Variants in TEF observed in about 807,000 individuals in gnomAD.
TEF encodes thyrotroph embryonic factor.
Under a neutral mutation model 20.8 loss-of-function variants are expected in TEF, and 3 were observed. The ratio of observed to expected loss-of-function variants is 0.14; its 90% CI spans 0.07 to 0.37. TEF has a LOEUF of 0.37. Ranked by LOEUF, TEF falls within the 10% of genes least tolerant of loss-of-function variation. The pLI is 1.00. For synonymous variants in TEF, 180 were observed against 171.1 expected, an observed-to-expected ratio of 1.05 and a Z score of -0.41; for missense variants, 296 against 397.9, an observed-to-expected ratio of 0.74 and a Z score of 2.18.
intron 1 of TEF, among the ~76,000 whole-genome samples, chr22:41,383,200 C>T (rs1415009174): frequency 1.3e-5 from 2 of 152,112 alleles, no homozygotes; most frequent in Non-Finnish European, 2.9e-5. Flanking sequence ...TGCCATTTCT[C>T]TTCCTTTCCT....
rs773925671 is a variant in TEF at position 41,382,157 on chromosome 22, T to C, written c.113T>C (p.Val38Ala). 708 of 1,237,908 alleles carry C rather than the reference T, an allele frequency of 5.7e-4. 1 individual carries two copies. Among genetic ancestry groups the C allele is most frequent in the Non-Finnish European group, 6.4e-4 (634 of 992,284 alleles). 76.7% of individuals were successfully genotyped at this position (1,237,908 alleles called of 1,614,324 possible). Residue 38 changes from valine to alanine, a missense_variant, in exon 1 of 4, where the codon GTC (valine) becomes GCC (alanine). Transcript: ENST00000266304. ...GGCCTGTCGGGGTCCTTCCCCCTGG[T>C]CCTGAAGAAGCTGATGGAGAACCCC... is the stretch of plus-strand genomic sequence containing the variant. ...ERGLSGSFPL[V>A]LKKLMENPPR...
intron 2 of TEF, among the ~76,000 whole-genome samples, chr22:41,390,006 T>C (rs1033825817): frequency 6.6e-6 from 1 of 151,902 alleles, no homozygotes; most frequent in Non-Finnish European, 1.5e-5. Flanking sequence ...TTTAAGCGAT[T>C]CTCCTGCCTC....
At chr22:41,374,039 G>A (rs188056140) in intron 1 of TEF, among the ~76,000 whole-genome samples, 4 of 152,204 alleles carry the variant, frequency 2.6e-5, no homozygotes, top group Admixed American at 1.3e-4. Context: ...TGGGATTGCA[G>A]GCATGAGCCA....
intron 1 of TEF, among the ~76,000 whole-genome samples, chr22:41,370,576 C>T (rs2036872504): frequency 6.6e-6 from 1 of 151,964 alleles, no homozygotes; most frequent in Admixed American, 6.6e-5. Context: ...CCACGCCCGG[C>T]TAATTTTTGT....
At chr22:41,391,929 A>G (rs527853007) in intron 2 of TEF, among the ~76,000 whole-genome samples, 5 of 151,996 alleles carry the variant, frequency 3.3e-5, no homozygotes, top group South Asian at 2.1e-4. Flanking sequence ...CCCATCTGAC[A>G]TTTTTATATA....
At chr22:41,378,374 C>T (rs1410804384), upstream of TEF, among the ~76,000 whole-genome samples, 10 of 127,522 alleles carry the variant, frequency 7.8e-5, no homozygotes, top group African/African-American at 3.1e-4. Flanking sequence ...GAGAGGGAGT[C>T]TCGCTCTGTC....
intron 1 of TEF, among the ~76,000 whole-genome samples, chr22:41,386,676 G>A (rs1037973784): frequency 3.3e-5 from 5 of 152,190 alleles, no homozygotes; most frequent in African/African-American, 1.2e-4. Flanking sequence ...CCAGGAGGCA[G>A]AGGTTGCAGT....
intron 1 of TEF, among the ~76,000 whole-genome samples, chr22:41,373,468 G>C (rs1601810949): frequency 6.6e-6 from 1 of 151,918 alleles, no homozygotes; most frequent in Non-Finnish European, 1.5e-5. Context: ...GTATTAGATA[G>C]TATATTTTTC....
rs374348384 is a variant in TEF, at chr22:41,394,097, A to C, written c.477A>C (p.Glu159Asp). 1.9e-6 allele frequency: 3 copies of C among 1,613,852 alleles called. No homozygotes were observed. Among genetic ancestry groups the C allele is most frequent in the Middle Eastern group, 1.7e-4 (1 of 6,034 alleles). ...FQPSETVSSTESSLEKERETP... is the reference protein window; with the variant it reads ...FQPSETVSSTDSSLEKERETP... Reference sequence around the variant, plus strand: ...ACCACCTGTCTCTGTGTCTTTTAGAATCTTCCCTGGAGAAGGAGAGGGAGA... The same window carrying C: ...ACCACCTGTCTCTGTGTCTTTTAGACTCTTCCCTGGAGAAGGAGAGGGAGA... The change falls in exon 3 of 4, where the codon GAA becomes GAC. Residue 159 changes from glutamate to aspartate, a missense_variant and splice_region_variant. Glu to Asp is a conservative substitution (Grantham distance 45). Around this residue, in one of 2 missense-constraint regions of TEF, gnomAD observed 194 missense variants for 317.8 expected, o/e 0.61. Transcript: ENST00000266304.
intron 1 of TEF, among the ~76,000 whole-genome samples, chr22:41,372,328 G>A (rs1569250783): frequency 1.3e-5 from 2 of 152,154 alleles, no homozygotes; most frequent in Non-Finnish European, 2.9e-5. Context: ...AGGCATTGAC[G>A]GCATGTCGAG....
Position 41,382,220 on chromosome 22 carries a change from T to C in TEF, c.157+19T>C, listed in dbSNP as rs2037038278. ...CGCCTCGGTGAGGGCGGGGGGGTGG[T>C]CCGCGCGGGCTGGGGGCGGGGCTTA... On this transcript the variant is annotated intron_variant, in intron 1 of 3. Transcript: ENST00000266304. The C allele has an allele frequency of 5.2e-6, 4 of 767,354 alleles. No homozygotes were observed. The highest frequency in any genetic ancestry group is 6.2e-6 in the Non-Finnish European group (4 of 645,592). 47.5% of individuals were successfully genotyped at this position (767,354 alleles called of 1,614,324 possible).
At position 41,375,493 on chromosome 22, in the gene TEF, G is replaced by A. The variant is rs368202101; in HGVS notation, c.67+7894G>A. ...CGGCCGGGCGTGGTGGCACACGCCTGTAATCCCAGCACTTTGGGAGGCCGA... is the reference window on the plus strand; with the variant it reads ...CGGCCGGGCGTGGTGGCACACGCCTATAATCCCAGCACTTTGGGAGGCCGA... On this transcript the variant is annotated intron_variant, in intron 1 of 3. Coordinates refer to the TEF transcript ENST00000406644. Among the ~76,000 whole-genome samples, 13 of 152,352 alleles carry A rather than the reference G, an allele frequency of 8.5e-5. No homozygotes were observed. The East Asian group carries it at 1.5e-3, about 18-fold the overall frequency.
intron 2 of TEF, among the ~76,000 whole-genome samples, chr22:41,393,404 A>G (rs4822028): frequency 0.25 from 37,122 of 151,142 alleles, 5,078 homozygotes; most frequent in Admixed American, 0.41. Flanking sequence ...CTGGAGAGAC[A>G]CAGCTGTTTC....
chr22:41,381,185 G>A (rs1332537451), upstream of TEF, among the ~76,000 whole-genome samples: 1 of 152,248 alleles, frequency 6.6e-6, no homozygotes, highest in Non-Finnish European at 1.5e-5. Context: ...CGCGGTCCCC[G>A]GCCCTGCCCT....
intron 2 of TEF, among the ~76,000 whole-genome samples, chr22:41,392,017 T>G (rs1306802928): frequency 6.6e-6 from 1 of 152,250 alleles, no homozygotes; most frequent in East Asian, 1.9e-4. Flanking sequence ...TTTAGCTGTT[T>G]GTTAACTGTT....
At chr22:41,372,149 T>C (rs2036890350) in intron 1 of TEF, among the ~76,000 whole-genome samples, 1 of 152,190 alleles carries the variant, frequency 6.6e-6, no homozygotes, top group Non-Finnish European at 1.5e-5. Context: ...CTAAATGGTA[T>C]ATTTCCCCTG....
At chr22:41,389,634 A>T (rs1250208672) in intron 2 of TEF, among the ~76,000 whole-genome samples, 1 of 150,932 alleles carries the variant, frequency 6.6e-6, no homozygotes, top group African/African-American at 2.4e-5. Context: ...AATAAATAAA[A>T]GTTTTTTTTT....
At chr22:41,385,876 G>C (rs1309170710) in intron 1 of TEF, among the ~76,000 whole-genome samples, 1 of 151,994 alleles carries the variant, frequency 6.6e-6, no homozygotes, top group East Asian at 1.9e-4. Context: ...GTAAAGACAG[G>C]GTTTCACCAT....
At chr22:41,382,638 G>C (rs2037048814) in intron 1 of TEF, among the ~76,000 whole-genome samples, 1 of 152,094 alleles carries the variant, frequency 6.6e-6, no homozygotes, top group Non-Finnish European at 1.5e-5. Flanking sequence ...CCAAAGTTTA[G>C]GAAGCGCAGG....
Sources: gnomAD v4.1 joint callset for allele counts (sites outside exome capture counted in the v4.1 genomes callset) on GRCh38, gnomAD v4.1.1 for gene constraint, gnomAD v4.1.1 regional missense constraint, MANE v1.5 for transcripts, NCBI Gene and HGNC (gene_info 2026-07-23, HGNC 2026-07-21) for gene names.